Variants in CSMD1 observed in about 807,000 individuals in gnomAD.
CSMD1 encodes the protein CUB and Sushi multiple domains 1.
CSMD1 carries 213 observed loss-of-function variants against 417.5 expected under a neutral mutation model. The observed-to-expected ratio is 0.51, with a 90% CI of 0.46 to 0.57. CSMD1 has a LOEUF of 0.57. Among genes scored for constraint, CSMD1 ranks in the 20% least tolerant of loss-of-function variants. The pLI is 0.00. For synonymous variants in CSMD1, 2,862 were observed against 1,736.8 expected, an observed-to-expected ratio of 1.65 and a Z score of -16.11; for missense variants, 6,923 against 4,529.7, an observed-to-expected ratio of 1.53 and a Z score of -15.17.
In CSMD1 at chr8:2,951,014, A is replaced by G. The variant is rs1196217850; in HGVS notation, c.10201+100T>C. 9 of 1,203,882 alleles carry G rather than the reference A, an allele frequency of 7.5e-6. No individual in the cohort carries two copies. The Admixed American group carries it at 8.2e-5, about 11-fold the overall frequency. 74.6% of individuals were successfully genotyped at this position (1,203,882 alleles called of 1,614,324 possible). On this transcript the variant is annotated intron_variant, in intron 66 of 69. Transcript: ENST00000635120. ...ACAGTATATACAAAGCCAACAGAAC[A>G]GTAATAAGTACTTAATACTTACTAG...
At chr8:3,786,272 G>A (rs192324739) in intron 5 of CSMD1, among the ~76,000 whole-genome samples, 82 of 152,160 alleles carry the variant, frequency 5.4e-4, no homozygotes, top group Non-Finnish European at 8.5e-4. Flanking sequence ...GTGGATACAT[G>A]GGCATGGAGG....
At chr8:3,558,099 C>A (rs1311899684) in intron 10 of CSMD1, among the ~76,000 whole-genome samples, 2 of 150,184 alleles carry the variant, frequency 1.3e-5, no homozygotes, top group Non-Finnish European at 3.0e-5. Flanking sequence ...TCGACTCCTC[C>A]AATGATGAAT....
At chr8:4,905,816 T>G (rs144393964) in intron 1 of CSMD1, among the ~76,000 whole-genome samples, 5,731 of 105,152 alleles carry the variant, frequency 0.055, 199 homozygotes, top group Middle Eastern at 0.13. Context: ...CGAGACTCCA[T>G]CTCAAAAAAA....
At chr8:4,509,136 C>T (rs975884165) in intron 2 of CSMD1, among the ~76,000 whole-genome samples, 2 of 152,064 alleles carry the variant, frequency 1.3e-5, no homozygotes, top group African/African-American at 4.8e-5. Flanking sequence ...GTAAAATAAA[C>T]AATAGACCTT....
In CSMD1 at chr8:3,768,044, C is replaced by A. The variant is rs562050708; in HGVS notation, c.819-14002G>T. On this transcript the variant is annotated intron_variant, in intron 5 of 69. Transcript: ENST00000635120. ...ACCAGGTATACAAAACAGAATCAAT[C>A]TTTGACCCCGAGTATAGACAGCTAC... Among the ~76,000 whole-genome samples, 5 of 152,250 alleles carry A rather than the reference C, an allele frequency of 3.3e-5. No homozygotes were observed. The East Asian group carries it at 7.7e-4, about 23-fold the overall frequency.
intron 5 of CSMD1, among the ~76,000 whole-genome samples, chr8:3,949,193 T>C (rs1811440369): frequency 6.6e-6 from 1 of 152,230 alleles, no homozygotes; most frequent in Admixed American, 6.5e-5. Context: ...ATCCTTATCA[T>C]TTCTTTATAG....
chr8:4,594,965 C>G (rs1393175791), intron 2 of CSMD1, among the ~76,000 whole-genome samples: 1 of 152,116 alleles, frequency 6.6e-6, no homozygotes, highest in African/African-American at 2.4e-5. Context: ...GTTTTTCATA[C>G]TTGATGCCAA....
intron 3 of CSMD1, among the ~76,000 whole-genome samples, chr8:4,094,627 A>C (rs1800903451): frequency 6.6e-6 from 1 of 152,092 alleles, no homozygotes; most frequent in South Asian, 2.1e-4. Context: ...CGTGTGTCAC[A>C]CATGTGGGGA....
At chr8:4,011,474 T>C (rs1291925542) in intron 4 of CSMD1, among the ~76,000 whole-genome samples, 1 of 152,194 alleles carries the variant, frequency 6.6e-6, no homozygotes, top group African/African-American at 2.4e-5. Flanking sequence ...TCTTTAACCT[T>C]GTTACATCCT....
intron 3 of CSMD1, among the ~76,000 whole-genome samples, chr8:4,060,179 C>T (rs964142803): frequency 1.3e-5 from 2 of 152,052 alleles, no homozygotes; most frequent in Non-Finnish European, 2.9e-5. Context: ...ATAAACAGAA[C>T]CAAAGACAAA....
intron 46 of CSMD1, among the ~76,000 whole-genome samples, chr8:3,104,140 G>C (rs1211452671): frequency 6.6e-6 from 1 of 152,134 alleles, no homozygotes; most frequent in African/African-American, 2.4e-5. Context: ...TCTATTCTGA[G>C]AAACTTGAGG....
intron 3 of CSMD1, among the ~76,000 whole-genome samples, chr8:4,290,102 C>G (rs374000296): frequency 2.6e-5 from 4 of 152,108 alleles, no homozygotes; most frequent in Admixed American, 2.0e-4. Flanking sequence ...AGATGTGCAA[C>G]AAAACCAAAC....
At chr8:3,776,522 G>A (rs889732792) in intron 5 of CSMD1, among the ~76,000 whole-genome samples, 4 of 152,106 alleles carry the variant, frequency 2.6e-5, no homozygotes, top group Non-Finnish European at 5.9e-5. Flanking sequence ...TGGGGCCTTG[G>A]AACTTGCTGT....
intron 6 of CSMD1, among the ~76,000 whole-genome samples, chr8:3,722,464 C>G (rs1294936175): frequency 6.6e-6 from 1 of 152,156 alleles, no homozygotes; most frequent in Non-Finnish European, 1.5e-5. Context: ...TTGCCCCAAC[C>G]TCAGACAGAT....
At chr8:3,454,139 GC>G (rs1815947136) in intron 12 of CSMD1, among the ~76,000 whole-genome samples, 1 of 152,084 alleles carries the variant, frequency 6.6e-6, no homozygotes, top group Non-Finnish European at 1.5e-5. Flanking sequence ...TGCAACCCCT[GC>G]CTTTTTTTGT....
intron 3 of CSMD1, among the ~76,000 whole-genome samples, chr8:4,143,143 G>T (rs1025698347): frequency 3.8e-5 from 5 of 130,800 alleles, no homozygotes; most frequent in African/African-American, 1.4e-4. Flanking sequence ...CATTTCTAGA[G>T]AAACAAATGC....
At chr8:3,695,442 G>C (rs1800497921) in intron 7 of CSMD1, among the ~76,000 whole-genome samples, 3 of 151,994 alleles carry the variant, frequency 2.0e-5, no homozygotes, top group Admixed American at 2.0e-4. Context: ...TTGGTAGATT[G>C]AATATTAATA....
intron 7 of CSMD1, among the ~76,000 whole-genome samples, chr8:3,624,305 C>CCA (rs1411218337): frequency 6.6e-6 from 1 of 152,104 alleles, no homozygotes; most frequent in African/African-American, 2.4e-5. Flanking sequence ...AAAGACTTTC[C>CCA]ATGGAGAATA....
At chr8:3,898,001 G>T (rs562139907) in intron 5 of CSMD1, among the ~76,000 whole-genome samples, 1 of 152,152 alleles carries the variant, frequency 6.6e-6, no homozygotes, top group Admixed American at 6.5e-5. Flanking sequence ...GAGCTCCTAG[G>T]AGGTGCCCAG....
Sources: gnomAD v4.1 joint callset for allele counts (sites outside exome capture counted in the v4.1 genomes callset) on GRCh38, gnomAD v4.1.1 for gene constraint, MANE v1.5 for transcripts, NCBI Gene and HGNC (gene_info 2026-07-23, HGNC 2026-07-21) for gene names.